CDK14: variants seen among roughly 807,000 people sequenced by gnomAD.
CDK14 encodes the protein cyclin dependent kinase 14.
CDK14 carries 34 observed loss-of-function variants against 60.7 expected under a neutral mutation model. The observed-to-expected ratio is 0.56, with a 90% CI of 0.43 to 0.75. The LOEUF (loss-of-function observed/expected upper bound fraction) is 0.75. Ranked by LOEUF, CDK14 falls within the 30% of genes least tolerant of loss-of-function variation. CDK14 has a pLI of 0.00. For missense variants in CDK14, 482 were observed against 564.1 expected (o/e 0.85, Z 1.47); for synonymous variants, 197 against 203.7 (o/e 0.97, Z 0.28).
chr7:91,164,766 T>C (rs563167579), intron 14 of CDK14, among the ~76,000 whole-genome samples: 1 of 152,222 alleles, frequency 6.6e-6, no homozygotes, highest in African/African-American at 2.4e-5. Context: ...GTAGACTGTT[T>C]TCTGCCTGCC....
In CDK14 at chr7:91,025,828, G is replaced by A. The variant is rs573191670; in HGVS notation, c.1042-20069G>A. 2.6e-5 allele frequency among the ~76,000 whole-genome samples: 4 copies of A among 152,288 alleles called. No homozygotes were observed. In the South Asian group the frequency reaches 6.2e-4, roughly 24 times the overall value. On this transcript the variant is annotated intron_variant, in intron 10 of 14. Transcript: ENST00000380050. Reference sequence around the variant, plus strand: ...CAGTTTAATTTTGTATATTCTAAAAGAATGAGTCCCCAGGTCTCAGGCAGG... The same window carrying A: ...CAGTTTAATTTTGTATATTCTAAAAAAATGAGTCCCCAGGTCTCAGGCAGG...
At chr7:90,798,674 G>A (rs577396613) in intron 5 of CDK14, among the ~76,000 whole-genome samples, 66 of 152,292 alleles carry the variant, frequency 4.3e-4, no homozygotes, top group African/African-American at 1.4e-3. Context: ...ATTTTAGGGC[G>A]TAATTTTCAC....
intron 10 of CDK14, among the ~76,000 whole-genome samples, chr7:91,010,210 T>A (rs1244221142): frequency 6.6e-6 from 1 of 152,122 alleles, no homozygotes; most frequent in African/African-American, 2.4e-5. Context: ...GTCATTCAAC[T>A]TATACAGACT....
intron 11 of CDK14, among the ~76,000 whole-genome samples, chr7:91,061,929 T>C (rs112189915): frequency 0.01 from 1,584 of 152,332 alleles, 23 homozygotes; most frequent in African/African-American, 0.034. Flanking sequence ...TTCAAAGCTG[T>C]CAGACAAGGA....
rs571085944 is a variant in CDK14, at chr7:90,622,420, T to C, written c.123+18171T>C. ...TTTTCTGTACTTTTCTTGAAACTTTTATTAGTAGAAAAACTGTCAATCTAA... is the reference window on the plus strand; with the variant it reads ...TTTTCTGTACTTTTCTTGAAACTTTCATTAGTAGAAAAACTGTCAATCTAA... On this transcript the variant is annotated intron_variant, in intron 2 of 14. Transcript: ENST00000380050. 2.6e-5 allele frequency among the ~76,000 whole-genome samples: 4 copies of C among 152,322 alleles called. No homozygotes were observed. In the South Asian group the frequency reaches 8.3e-4, roughly 32 times the overall value.
At chr7:91,207,074 T>G (rs568147616) in intron 14 of CDK14, 91 bp from the exon 15 acceptor site, 2 of 152,328 alleles carry the variant, frequency 1.3e-5, no homozygotes, top group Admixed American at 1.3e-4. Flanking sequence ...GGACTCACTT[T>G]GGACTGACCA....
chr7:91,116,121 T>G (rs1172001277), intron 13 of CDK14, among the ~76,000 whole-genome samples: 1 of 152,224 alleles, frequency 6.6e-6, no homozygotes, highest in Non-Finnish European at 1.5e-5. Context: ...AGAAATTCAT[T>G]ACTTTTCCCA....
intron 12 of CDK14, among the ~76,000 whole-genome samples, chr7:91,110,884 T>A (rs1466260853): frequency 1.3e-5 from 2 of 152,176 alleles, no homozygotes. Context: ...TCTCAAACTT[T>A]GCGTTTGATT....
intron 13 of CDK14, among the ~76,000 whole-genome samples, chr7:91,113,882 TA>T (rs1799539336): frequency 1.3e-5 from 2 of 152,158 alleles, no homozygotes; most frequent in Admixed American, 1.3e-4. Context: ...ATAGATATAT[TA>T]ATCTACTACT....
At chr7:90,794,638 C>T (rs1805979255) in intron 5 of CDK14, among the ~76,000 whole-genome samples, 1 of 152,310 alleles carries the variant, frequency 6.6e-6, no homozygotes, top group South Asian at 2.1e-4. Flanking sequence ...CCCTTGTTCC[C>T]TGAACATCGC....
chr7:90,970,690 G>A (rs1231283525), intron 9 of CDK14, among the ~76,000 whole-genome samples: 2 of 152,150 alleles, frequency 1.3e-5, no homozygotes, highest in African/African-American at 4.8e-5. Context: ...CTAAATTTTA[G>A]CATTCAAGTA....
chr7:90,787,773 A>C (rs1314622177), intron 4 of CDK14, among the ~76,000 whole-genome samples: 1 of 152,214 alleles, frequency 6.6e-6, no homozygotes, highest in Admixed American at 6.6e-5. Flanking sequence ...ATAACTTATT[A>C]AAAACAAACA....
intron 8 of CDK14, among the ~76,000 whole-genome samples, chr7:90,955,351 C>T (rs540115212): frequency 2.0e-5 from 3 of 152,210 alleles, no homozygotes; most frequent in African/African-American, 7.2e-5. Flanking sequence ...AGTTATTTGA[C>T]CAAGGAACCC....
intron 5 of CDK14, among the ~76,000 whole-genome samples, chr7:90,841,077 T>C (rs1301838959): frequency 6.6e-6 from 1 of 152,222 alleles, no homozygotes; most frequent in Non-Finnish European, 1.5e-5. Flanking sequence ...TTTGTGTTTT[T>C]TTGCTTTATA....
chr7:91,115,719 G>T (rs74964179), intron 13 of CDK14, among the ~76,000 whole-genome samples: 438 of 152,314 alleles, frequency 2.9e-3, no homozygotes, highest in Non-Finnish European at 5.2e-3. Context: ...CCCATGAGAA[G>T]GGCATCAAGT....
At chr7:91,205,081 G>C (rs4605987) in intron 14 of CDK14, among the ~76,000 whole-genome samples, 26,663 of 152,068 alleles carry the variant, frequency 0.18, 2,417 homozygotes, top group East Asian at 0.29. Context: ...CTTGTGCATT[G>C]CTGGTGGAAA....
intron 10 of CDK14, among the ~76,000 whole-genome samples, chr7:91,035,124 T>C (rs1257197156): frequency 3.9e-5 from 6 of 152,182 alleles, no homozygotes; most frequent in Non-Finnish European, 7.3e-5. Flanking sequence ...CATCTAATTA[T>C]ACCCTTCCTT....
chr7:91,197,761 C>T (rs930940426), intron 14 of CDK14, among the ~76,000 whole-genome samples: 6 of 152,172 alleles, frequency 3.9e-5, no homozygotes, highest in Non-Finnish European at 8.8e-5. Context: ...GTACACATTC[C>T]GTTAATTATG....
chr7:90,766,893 T>C (rs1232359552), intron 4 of CDK14, among the ~76,000 whole-genome samples: 1 of 152,176 alleles, frequency 6.6e-6, no homozygotes, highest in African/African-American at 2.4e-5. Context: ...TCTGCCGCTC[T>C]GGCTGCTCCC....
Sources: gnomAD v4.1 joint callset for allele counts (sites outside exome capture counted in the v4.1 genomes callset) on GRCh38, gnomAD v4.1.1 for gene constraint, MANE v1.5 for transcripts, NCBI Gene and HGNC (gene_info 2026-07-23, HGNC 2026-07-21) for gene names.